Variants in RYR2 observed in about 807,000 individuals in gnomAD.
RYR2 encodes cardiac muscle ryanodine receptor-calcium release channel.
A neutral mutation model predicts 601.1 loss-of-function variants in RYR2; 227 were observed. That is an observed-to-expected ratio of 0.38 (90% CI 0.34 to 0.42). The LOEUF (loss-of-function observed/expected upper bound fraction) is 0.42, where lower values mean the gene tolerates loss of function less well. RYR2 is among the 10% of genes least tolerant of loss of function. The pLI is 1.00. For synonymous variants in RYR2, 2,223 were observed against 2,175.1 expected, an observed-to-expected ratio of 1.02 and a Z score of -0.61; for missense variants, 4,646 against 6,156.5, an observed-to-expected ratio of 0.75 and a Z score of 8.21.
chr1:237,248,277 A>ACCCCCCCCCCCCCCCC (rs1215094555), intron 1 of RYR2, among the ~76,000 whole-genome samples: 3 of 6,892 alleles, frequency 4.4e-4, no homozygotes, highest in Admixed American at 1.7e-3. Context: ...ACCCCCCGCA[A>ACCCCCCCCCCCCCCCC]CCCCGCCCCC....
At chr1:237,280,791 T>TG (rs199646416) in intron 2 of RYR2, among the ~76,000 whole-genome samples, 1,919 of 151,786 alleles carry the variant, frequency 0.013, 31 homozygotes, top group African/African-American at 0.035. Context: ...GTTTTTTTTT[T>TG]TTTTGTTTTC....
chr1:237,792,349 C>CTGTGTGTGTGTGTG, intron 94 of RYR2, 26 bp downstream of exon 94: 3 of 704,940 alleles, frequency 4.3e-6, no homozygotes, highest in Non-Finnish European at 6.7e-6. Flanking sequence ...ACCAAGGTAC[C>CTGTGTGTGTGTGTG]TGTGTGTGTG....
intron 1 of RYR2, among the ~76,000 whole-genome samples, chr1:237,181,767 A>C (rs1678786153): frequency 6.6e-6 from 1 of 152,222 alleles, no homozygotes; most frequent in South Asian, 2.1e-4. Context: ...CTGTATGCAA[A>C]GGGTTAAGAA....
chr1:237,700,451 C>G lies in RYR2; in HGVS notation c.9351C>G (p.Phe3117Leu). The G allele has an allele frequency of 6.4e-7, 1 of 1,554,068 alleles. No homozygotes were observed. The highest frequency in any genetic ancestry group is 8.9e-7 in the Non-Finnish European group (1 of 1,129,768). ...SLFEHIGQHQFGEDLILEDVQ... is the reference protein window; with the variant it reads ...SLFEHIGQHQLGEDLILEDVQ... ...TTGAACATATTGGCCAGCATCAGTT[C>G]GGAGAAGACCTAATATGTATGTAAA... The change falls in exon 65 of 105, where the codon TTC (phenylalanine) becomes TTG (leucine). Residue 3117 changes from phenylalanine to leucine, a missense_variant. Phe to Leu is a conservative substitution (Grantham distance 22). This residue lies in a region of RYR2 where 1,497 missense variants were observed against 1,842.6 expected (regional missense o/e 0.81). Transcript: ENST00000366574.
rs766670579 is a variant in RYR2 at position 237,590,740 on chromosome 1, G to A, written c.3908G>A (p.Arg1303His). ...AGCAACACTGATATCATGTTTTATC[G>A]CCTGAGCATGCCGATCGAGTGCGCG... ...QNSNTDIMFY[R>H]LSMPIECAEV... Residue 1303 changes from arginine (R) to histidine (H), a missense_variant, in exon 31 of 105, where the codon CGC becomes CAC. Arg to His is a conservative substitution (Grantham distance 29). Coordinates refer to ENST00000366574, the MANE Select transcript of RYR2 (RefSeq NM_001035.3). 1 of 1,613,294 alleles carries A rather than the reference G, an allele frequency of 6.2e-7. No homozygotes were observed. The highest frequency in any genetic ancestry group is 8.5e-7 in the Non-Finnish European group (1 of 1,179,476).
At chr1:237,694,622 A>G (rs920253931) in intron 63 of RYR2, among the ~76,000 whole-genome samples, 1 of 152,212 alleles carries the variant, frequency 6.6e-6, no homozygotes, top group African/African-American at 2.4e-5. Context: ...GTAATAAAGT[A>G]TACATAGCAT....
intron 2 of RYR2, among the ~76,000 whole-genome samples, chr1:237,294,863 C>T (rs905844102): frequency 4.6e-5 from 7 of 151,914 alleles, no homozygotes; most frequent in Non-Finnish European, 1.0e-4. Context: ...TTAATGGGTA[C>T]AGTTTTTTTA....
chr1:237,237,945 C>CTTT (rs144453604), intron 1 of RYR2, among the ~76,000 whole-genome samples: 5 of 35,528 alleles, frequency 1.4e-4, no homozygotes, highest in Admixed American at 4.5e-4. Context: ...CTTTCCTTTC[C>CTTT]CCTTTCCTTT....
intron 17 of RYR2, among the ~76,000 whole-genome samples, chr1:237,476,509 C>CAAAA (rs56116691): frequency 1.6e-3 from 114 of 70,206 alleles, no homozygotes; most frequent in Non-Finnish European, 2.3e-3. Flanking sequence ...GACTCTGTCT[C>CAAAA]AAAAAAAAAA....
intron 65 of RYR2, among the ~76,000 whole-genome samples, chr1:237,701,518 G>A (rs1687966372): frequency 6.8e-6 from 1 of 148,072 alleles, no homozygotes; most frequent in South Asian, 2.1e-4. Context: ...GACAGAGCAA[G>A]ACTCTATCTC....
chr1:237,271,532 G>A (rs112449104), intron 2 of RYR2, among the ~76,000 whole-genome samples: 1,622 of 152,100 alleles, frequency 0.011, 32 homozygotes, highest in African/African-American at 0.035. Context: ...TTGCTTTTAG[G>A]AACTATTCAC....
At chr1:237,828,288 T>C in intron 101 of RYR2, 93 bp from the exon 102 acceptor site, 1 of 822,300 alleles carries the variant, frequency 1.2e-6, no homozygotes, top group Non-Finnish European at 2.0e-6. Context: ...TGCAAGGTAG[T>C]TGTACATCTC....
Position 237,496,671 on chromosome 1 carries a change from G to A in RYR2, c.2122G>A (p.Gly708Arg), listed in dbSNP as rs1235629482. The A allele has an allele frequency of 6.2e-7, 1 of 1,613,982 alleles. No homozygotes were observed. The highest frequency in any genetic ancestry group is 8.5e-7 in the Non-Finnish European group (1 of 1,179,892). Residue 708 changes from glycine to arginine, a missense_variant, in exon 20 of 105, where the codon GGA (glycine) becomes AGA (arginine). By Grantham distance (125) the Gly-to-Arg change is moderately radical (BLOSUM62 -2). This residue lies in a region of RYR2 where 1,807 missense variants were observed against 2,088.1 expected (regional missense o/e 0.87). Transcript: ENST00000366574. ...CACTGAAGGATATTCTCCCTACCCT[G>A]GAGGGGGCGAAGAGTGGGGTGGAAA... ...ASTEGYSPYP[G>R]GGEEWGGNGV...
chr1:237,657,214 A>G (rs930906209), intron 53 of RYR2, among the ~76,000 whole-genome samples: 2 of 152,172 alleles, frequency 1.3e-5, no homozygotes, highest in African/African-American at 4.8e-5. Flanking sequence ...TGTATGTCTT[A>G]TAGTTCAATT....
chr1:237,643,283 T>C (rs1288523190), intron 47 of RYR2, 44 bp from the exon 48 acceptor site: 16 of 1,599,224 alleles, frequency 1.0e-5, no homozygotes, highest in African/African-American at 6.7e-5. Flanking sequence ...ATTGTAACAT[T>C]GATGTCACAA....
intron 80 of RYR2, among the ~76,000 whole-genome samples, chr1:237,752,121 G>A (rs1692583270): frequency 6.6e-6 from 1 of 152,168 alleles, no homozygotes; most frequent in Non-Finnish European, 1.5e-5. Flanking sequence ...TGTACAGTAT[G>A]TGTGTACTGG....
intron 12 of RYR2, among the ~76,000 whole-genome samples, chr1:237,428,988 G>A (rs185909450): frequency 1.2e-3 from 182 of 151,970 alleles, no homozygotes; most frequent in African/African-American, 4.0e-3. Context: ...GAGAGCTGCC[G>A]CAGAAGCCCT....
At chr1:237,611,256 A>G (rs990172907) in intron 36 of RYR2, among the ~76,000 whole-genome samples, 1 of 152,218 alleles carries the variant, frequency 6.6e-6, no homozygotes, top group African/African-American at 2.4e-5. Flanking sequence ...GTTACTTACA[A>G]TGACAATGGC....
At chr1:237,785,374 T>C (rs1341607721) in intron 90 of RYR2, among the ~76,000 whole-genome samples, 1 of 152,194 alleles carries the variant, frequency 6.6e-6, no homozygotes, top group Non-Finnish European at 1.5e-5. Context: ...TTCTTTGTAG[T>C]CATTAGTCCA....
Sources: allele counts gnomAD v4.1 joint callset (sites outside exome capture counted in the v4.1 genomes callset), GRCh38; gene constraint gnomAD v4.1.1; regional missense constraint gnomAD v4.1.1; transcripts MANE v1.5; gene names NCBI Gene and HGNC (gene_info 2026-07-23, HGNC 2026-07-21).